MEOX2: variants seen among roughly 807,000 people sequenced by gnomAD.
MEOX2 encodes the protein homeobox protein MOX-2.
In MEOX2, 11 loss-of-function variants were observed where a neutral mutation model predicts 27.0. That is an observed-to-expected ratio of 0.41 (90% CI 0.26 to 0.68). The LOEUF is 0.68. MEOX2 is among the 30% of genes least tolerant of loss of function. MEOX2 has a pLI of 0.33. For synonymous variants in MEOX2, 189 were observed against 155.4 expected (o/e 1.22, Z -1.61); for missense variants, 436 against 385.4 (o/e 1.13, Z -1.10).
Position 15,686,321 on chromosome 7 carries a change from C to A in MEOX2, c.82G>T (p.Ala28Ser), listed in dbSNP as rs923010324. 4 of 1,606,784 alleles carry A rather than the reference C, an allele frequency of 2.5e-6. No homozygotes were observed. Among genetic ancestry groups the A allele is most frequent in the Non-Finnish European group, 1.7e-6 (2 of 1,176,418 alleles). ...ATATGGTCAGATCTTCCATGGAGGG[C>A]GAGAGAGGATTGGGAGAACGGGTGC... ...GLHPFSQSSL[A>S]LHGRSDHMSY... The change falls in exon 1 of 3, where the codon GCC (alanine) becomes TCC (serine). Residue 28 changes from alanine (A) to serine (S), a missense_variant. Transcript: ENST00000262041.
chr7:15,613,068 A>C (rs931484373), intron 2 of MEOX2, among the ~76,000 whole-genome samples: 1 of 152,230 alleles, frequency 6.6e-6, no homozygotes, highest in African/African-American at 2.4e-5. Context: ...CTGAAAGGCC[A>C]TACTCTGCCA....
At chr7:15,675,478 AAACTT>A (rs1469442113) in intron 1 of MEOX2, among the ~76,000 whole-genome samples, 2 of 152,204 alleles carry the variant, frequency 1.3e-5, no homozygotes, top group Non-Finnish European at 2.9e-5. Flanking sequence ...GGAAGACTAA[AAACTT>A]AAGGCTTCAA....
At chr7:15,662,417 C>T (rs1364176840) in intron 1 of MEOX2, among the ~76,000 whole-genome samples, 1 of 151,744 alleles carries the variant, frequency 6.6e-6, no homozygotes, top group Non-Finnish European at 1.5e-5. Context: ...AATCTGTATA[C>T]CAAACTGCTC....
rs558718673 is a variant in MEOX2, at chr7:15,662,479, G to A, written c.517+23407C>T. ...TAGTCTAATGAGATTTGAACTGTCA[G>A]CAGAACAGAACTTTTGAATGATACT... is the stretch of plus-strand genomic sequence containing the variant. On this transcript the variant is annotated intron_variant, in intron 1 of 2. Transcript: ENST00000262041. Among the ~76,000 whole-genome samples the A allele has an allele frequency of 4.4e-4, 67 of 152,050 alleles. 1 individual carries two copies. The South Asian group carries it at 0.014, about 31-fold the overall frequency.
At chr7:15,617,877 C>T (rs937179952) in intron 2 of MEOX2, among the ~76,000 whole-genome samples, 1 of 152,024 alleles carries the variant, frequency 6.6e-6, no homozygotes, top group African/African-American at 2.4e-5. Context: ...TTTAAAATTA[C>T]ACATTTCATA....
intron 1 of MEOX2, among the ~76,000 whole-genome samples, chr7:15,685,178 A>G (rs1378663931): frequency 6.6e-6 from 1 of 152,206 alleles, no homozygotes; most frequent in African/African-American, 2.4e-5. Context: ...CTTACACCAC[A>G]TGGACATGTA....
intron 1 of MEOX2, among the ~76,000 whole-genome samples, chr7:15,630,169 G>A (rs930248008): frequency 3.3e-5 from 5 of 152,122 alleles, no homozygotes; most frequent in South Asian, 2.1e-4. Flanking sequence ...AGGAAATGTT[G>A]ACTTATGTGT....
In MEOX2 at chr7:15,636,075, T is replaced by A. The variant is rs565352314; in HGVS notation, c.518-9157A>T. Among the ~76,000 whole-genome samples, 9 of 152,018 alleles carry A rather than the reference T, an allele frequency of 5.9e-5. No homozygotes were observed. In the East Asian group the frequency reaches 1.7e-3, roughly 29 times the overall value. ...GTACATAAATGTAGGAAGATAGGAG[T>A]CACATTCTGCCTAGTGGTTAAAGTA... On this transcript the variant is annotated intron_variant, in intron 1 of 2. Transcript: ENST00000262041.
chr7:15,655,882 T>C (rs1781812072), intron 1 of MEOX2, among the ~76,000 whole-genome samples: 1 of 151,806 alleles, frequency 6.6e-6, no homozygotes, highest in South Asian at 2.1e-4. Context: ...TTTATGGTGT[T>C]GTTAAGTTTT....
At chr7:15,672,047 C>T (rs567760396) in intron 1 of MEOX2, among the ~76,000 whole-genome samples, 2 of 151,802 alleles carry the variant, frequency 1.3e-5, no homozygotes, top group African/African-American at 2.4e-5. Context: ...GAGCCAAGAT[C>T]GTACCACTAC....
chr7:15,683,614 C>T lies in MEOX2; in HGVS notation c.517+2272G>A, dbSNP rs543679761. 9.2e-5 allele frequency among the ~76,000 whole-genome samples: 14 copies of T among 152,044 alleles called. No individual in the cohort carries two copies. In the South Asian group the frequency reaches 1.2e-3, roughly 14 times the overall value. ...TGGAACACCTAATGCAATTGTTACA[C>T]GAGAAAGATATCTTTAATTTAAATC... On this transcript the variant is annotated intron_variant, in intron 1 of 2. Coordinates refer to ENST00000262041, the MANE Select transcript of MEOX2 (RefSeq NM_005924.5).
intron 1 of MEOX2, among the ~76,000 whole-genome samples, chr7:15,655,680 T>G (rs2115379971): frequency 6.6e-6 from 1 of 151,974 alleles, no homozygotes; most frequent in South Asian, 2.1e-4. Context: ...TTCTTGTTAT[T>G]AATTTCTAGT....
At chr7:15,646,655 G>T (rs1781654979) in intron 1 of MEOX2, among the ~76,000 whole-genome samples, 1 of 151,882 alleles carries the variant, frequency 6.6e-6, no homozygotes, top group Non-Finnish European at 1.5e-5. Context: ...ACATAAGAAG[G>T]TTTTCATAAT....
chr7:15,653,826 G>T (rs1781778363), intron 1 of MEOX2, among the ~76,000 whole-genome samples: 1 of 151,920 alleles, frequency 6.6e-6, no homozygotes, highest in African/African-American at 2.4e-5. Context: ...ATGTAGGTAT[G>T]TAATACATCA....
At chr7:15,676,211 T>C (rs1782189481) in intron 1 of MEOX2, 1 of 152,194 alleles carries the variant, frequency 6.6e-6, no homozygotes, top group African/African-American at 2.4e-5. Context: ...CAATAACGTA[T>C]TAAATATGCA....
chr7:15,668,606 T>G (rs181384199), intron 1 of MEOX2, among the ~76,000 whole-genome samples: 78 of 152,108 alleles, frequency 5.1e-4, no homozygotes, highest in Admixed American at 9.8e-4. Context: ...CTCAGCTTCC[T>G]GAGTAGCTAG....
chr7:15,675,387 A>T (rs1374775250), intron 1 of MEOX2, among the ~76,000 whole-genome samples: 2 of 152,238 alleles, frequency 1.3e-5, no homozygotes, highest in African/African-American at 4.8e-5. Flanking sequence ...ACACTCAAGC[A>T]AAGCACTTTG....
intron 1 of MEOX2, chr7:15,680,490 T>C (rs1782275734): frequency 6.6e-6 from 1 of 151,946 alleles, no homozygotes; most frequent in African/African-American, 2.4e-5. Flanking sequence ...TGCGAGGTTT[T>C]CTCCAATGGG....
At chr7:15,671,187 G>C (rs1343269338) in intron 1 of MEOX2, among the ~76,000 whole-genome samples, 1 of 152,044 alleles carries the variant, frequency 6.6e-6, no homozygotes, top group Non-Finnish European at 1.5e-5. Flanking sequence ...TGAGATATCA[G>C]TATTTCTTAA....
Sources: allele counts gnomAD v4.1 joint callset (sites outside exome capture counted in the v4.1 genomes callset), GRCh38; gene constraint gnomAD v4.1.1; transcripts MANE v1.5; gene names NCBI Gene and HGNC (gene_info 2026-07-23, HGNC 2026-07-21).